Variants in SOD2 observed in about 807,000 individuals in gnomAD.
The protein encoded by SOD2 is superoxide dismutase [Mn], mitochondrial.
In SOD2, 11 loss-of-function variants were observed where a neutral mutation model predicts 27.0. The ratio of observed to expected loss-of-function variants is 0.41; its 90% CI spans 0.26 to 0.67. SOD2 has a LOEUF of 0.67. SOD2 is among the 30% of genes least tolerant of loss of function. The pLI is 0.34. For synonymous variants in SOD2, 105 were observed against 103.0 expected (o/e 1.02, Z -0.12); for missense variants, 250 against 274.5 (o/e 0.91, Z 0.63).
chr6:159,739,270 C>G (rs1398681333), intron 1 of SOD2, among the ~76,000 whole-genome samples: 1 of 152,086 alleles, frequency 6.6e-6, no homozygotes, highest in African/African-American at 2.4e-5. Flanking sequence ...AAATATATGG[C>G]TTGTTTTGTG....
intron 1 of SOD2, among the ~76,000 whole-genome samples, chr6:159,722,778 T>G (rs1226377177): frequency 6.6e-6 from 1 of 152,194 alleles, no homozygotes; most frequent in Non-Finnish European, 1.5e-5. Context: ...ATAAGTGTAC[T>G]CTCAGCCTGA....
chr6:159,713,501 CAGCTATCTCCTGCGA>C (rs1164617631), intron 1 of SOD2: 12 of 673,506 alleles, frequency 1.8e-5, no homozygotes, highest in African/African-American at 3.6e-5. Flanking sequence ...AATGCCGTCT[CAGCTATCTCCTGCGA>C]AGCCAACTGC....
At position 159,676,103 on chromosome 6, in the gene SOD2, G is replaced by A. The variant is rs1779773109; in HGVS notation, c.*6390C>T. On this transcript the variant is annotated 3_prime_UTR_variant, in exon 5 of 5. Transcript: ENST00000538183. The stretch of plus-strand genomic sequence containing the variant: ...ATTAAAAAGTCAGGAAACAACAGGT[G>A]CTGGAGAGGATGTGGAGAAATAGGA... 6.6e-6 allele frequency: 1 copy of A among 152,198 alleles called. No homozygotes were observed. The highest frequency in any genetic ancestry group is 2.4e-5 in the African/African-American group (1 of 41,438). 9.4% of individuals were successfully genotyped at this position (152,198 alleles called of 1,614,324 possible).
rs990074827 is a variant in SOD2 at position 159,672,350 on chromosome 6, G to A, written c.*10143C>T. 4 of 152,086 alleles carry A rather than the reference G, an allele frequency of 2.6e-5. No individual in the cohort carries two copies. Among genetic ancestry groups the A allele is most frequent in the East Asian group, 1.9e-4 (1 of 5,190 alleles). The allele number at this position is 152,086 out of a possible 1,614,324, so 9.4% of individuals were successfully genotyped here. ...TTAAGGGCAGCCAGAGAGAAAGGTC[G>A]GGTTACCCACAAAGGGAAGCCCATC... On this transcript the variant is annotated 3_prime_UTR_variant, in exon 5 of 5. Transcript: ENST00000538183.
At chr6:159,746,765 T>C (rs557693094), upstream of SOD2, among the ~76,000 whole-genome samples, 1 of 152,316 alleles carries the variant, frequency 6.6e-6, no homozygotes, top group East Asian at 1.9e-4. Context: ...TCAAAATAGA[T>C]TTAGGAATAA....
At chr6:159,687,632 C>T (rs1780253294) in intron 3 of SOD2, among the ~76,000 whole-genome samples, 1 of 152,184 alleles carries the variant, frequency 6.6e-6, no homozygotes, top group Admixed American at 6.5e-5. Context: ...TTCTCCATTC[C>T]TACTTGTGTC....
At chr6:159,744,729 G>A (rs555354271) in intron 1 of SOD2, among the ~76,000 whole-genome samples, 13 of 151,516 alleles carry the variant, frequency 8.6e-5, no homozygotes, top group South Asian at 2.1e-4. Context: ...TAACCCCCCC[G>A]CCCTTTTCTT....
At chr6:159,718,896 T>C (rs1777973799) in intron 1 of SOD2, among the ~76,000 whole-genome samples, 2 of 152,218 alleles carry the variant, frequency 1.3e-5, no homozygotes, top group South Asian at 2.1e-4. Flanking sequence ...GACATGGTCA[T>C]AGTCACACCA....
chr6:159,694,553 T>C (rs145975677), upstream of SOD2, among the ~76,000 whole-genome samples: 1 of 152,186 alleles, frequency 6.6e-6, no homozygotes, highest in African/African-American at 2.4e-5. Context: ...AAAAAGGAAA[T>C]TCAGGCTGGG....
At chr6:159,758,148 G>A (rs1378666732) in intron 1 of SOD2, among the ~76,000 whole-genome samples, 1 of 151,712 alleles carries the variant, frequency 6.6e-6, no homozygotes, top group East Asian at 1.9e-4. Context: ...TTGAATCCTG[G>A]TATTACACTT....
intron 1 of SOD2, among the ~76,000 whole-genome samples, chr6:159,723,627 A>T (rs139713667): frequency 1.7e-4 from 26 of 152,344 alleles, no homozygotes; most frequent in African/African-American, 6.3e-4. Flanking sequence ...ATCCTGGTTC[A>T]GCCAGGACTG....
rs1372654541 is a variant in SOD2 at position 159,672,849 on chromosome 6, T to C, written c.*9644A>G. On this transcript the variant is annotated 3_prime_UTR_variant, in exon 5 of 5. Coordinates refer to ENST00000538183, the MANE Select transcript of SOD2 (RefSeq NM_000636.4). ...CAGGGTGCTGTATTCAGGAAACCCA[T>C]CTCACGTACAGAGACACACACACAT... is the stretch of plus-strand genomic sequence containing the variant. 2.0e-5 allele frequency: 3 copies of C among 151,446 alleles called. No individual in the cohort carries two copies. Among genetic ancestry groups the C allele is most frequent in the African/African-American group, 4.9e-5 (2 of 41,166 alleles). 9.4% of individuals were successfully genotyped at this position (151,446 alleles called of 1,614,324 possible).
upstream of SOD2, among the ~76,000 whole-genome samples, chr6:159,731,589 C>T (rs1778573420): frequency 6.6e-6 from 1 of 152,270 alleles, no homozygotes; most frequent in Non-Finnish European, 1.5e-5. Flanking sequence ...TGATTATTAT[C>T]CTCAACCTGT....
Position 159,711,673 on chromosome 6 carries a change from T to C in SOD2, c.-116+15456A>G, listed in dbSNP as rs200043120. ...AATACCACCACTCACATTGCTCTGA[T>C]CACCATAACCACCTCCATAACCACC... On this transcript the variant is annotated intron_variant, in intron 1 of 2. Coordinates refer to the SOD2 transcript ENST00000401980. 8.1e-4 allele frequency among the ~76,000 whole-genome samples: 32 copies of C among 39,454 alleles called. 2 individuals carry two copies. The highest frequency in any genetic ancestry group is 5.2e-3 in the East Asian group (9 of 1,740). The allele number at this position is 39,454 out of a possible 152,430, so 25.9% of individuals were successfully genotyped here.
At chr6:159,741,531 G>A (rs1464021281) in intron 1 of SOD2, 1 of 151,988 alleles carries the variant, frequency 6.6e-6, no homozygotes, top group African/African-American at 2.4e-5. Flanking sequence ...CTATAATCCA[G>A]GATTATCCTG....
intron 1 of SOD2, among the ~76,000 whole-genome samples, chr6:159,754,806 G>A (rs929801096): frequency 2.6e-5 from 4 of 152,098 alleles, no homozygotes; most frequent in Admixed American, 1.3e-4. Context: ...ATTGTTGCAT[G>A]TGGAGGGCCA....
rs749535109 is a variant in SOD2, at chr6:159,684,920, T to C, written c.457A>G (p.Asn153Asp). The change falls in exon 4 of 5, where the codon AAT becomes GAT. Residue 153 changes from asparagine to aspartate, a missense_variant. Asn to Asp is a conservative substitution (Grantham distance 23, BLOSUM62 1). Transcript: ENST00000538183. Reference sequence around the variant, plus strand: ...ATTTGTAAGTGTCCCCGTTCCTTATTGAAACCAAGCCAACCCCAACCTGAG... The same window carrying C: ...ATTTGTAAGTGTCCCCGTTCCTTATCGAAACCAAGCCAACCCCAACCTGAG... The part of the protein sequence containing the change: ...QGSGWGWLGF[N>D]KERGHLQIAA... 6.2e-7 allele frequency: 1 copy of C among 1,613,812 alleles called. No homozygotes were observed. Among genetic ancestry groups the C allele is most frequent in the South Asian group, 1.1e-5 (1 of 91,062 alleles).
At chr6:159,701,624 A>G (rs1447359861) in intron 1 of SOD2, among the ~76,000 whole-genome samples, 4 of 152,066 alleles carry the variant, frequency 2.6e-5, no homozygotes, top group African/African-American at 7.2e-5. Flanking sequence ...GGGACGAAGG[A>G]AAAACAAGCC....
chr6:159,713,783 G>T, intron 1 of SOD2: 1 of 967,370 alleles, frequency 1.0e-6, no homozygotes, highest in Non-Finnish European at 1.7e-6. Context: ...TGTCTTTAAA[G>T]CCAATTTCGC....
Sources: allele counts gnomAD v4.1 joint callset (sites outside exome capture counted in the v4.1 genomes callset), GRCh38; gene constraint gnomAD v4.1.1; transcripts MANE v1.5; gene names NCBI Gene and HGNC (gene_info 2026-07-23, HGNC 2026-07-21).